Variants in CCSER1 observed in about 807,000 individuals in gnomAD.
The protein encoded by CCSER1 is coiled-coil serine rich protein 1.
Under a neutral mutation model 82.0 loss-of-function variants are expected in CCSER1, and 41 were observed. The ratio of observed to expected loss-of-function variants is 0.50; its 90% CI spans 0.39 to 0.65. CCSER1 has a LOEUF of 0.65. CCSER1 is among the 30% of genes least tolerant of loss of function. The probability of loss-of-function intolerance (pLI) is 0.00; values close to 1 mark genes in which losing one functional copy is unlikely to be tolerated. For synonymous variants in CCSER1, 414 were observed against 383.9 expected, an observed-to-expected ratio of 1.08 and a Z score of -0.92; for missense variants, 1,119 against 1,064.2, an observed-to-expected ratio of 1.05 and a Z score of -0.72.
intron 1 of CCSER1, among the ~76,000 whole-genome samples, chr4:90,129,083 C>G (rs1351589821): frequency 6.6e-6 from 1 of 152,182 alleles, no homozygotes; most frequent in African/African-American, 2.4e-5. Context: ...CAACAGCTTT[C>G]ATTTCTGAAA....
intron 10 of CCSER1, among the ~76,000 whole-genome samples, chr4:91,284,948 A>G (rs1199772285): frequency 6.6e-6 from 1 of 151,972 alleles, no homozygotes; most frequent in Non-Finnish European, 1.5e-5. Context: ...ACAAAAAAAT[A>G]TGTACTTTAC....
At chr4:90,507,017 C>G (rs574800792) in intron 5 of CCSER1, among the ~76,000 whole-genome samples, 10 of 152,206 alleles carry the variant, frequency 6.6e-5, no homozygotes, top group African/African-American at 2.4e-4. Flanking sequence ...CTAGTTATTG[C>G]ATACGTTTAC....
intron 9 of CCSER1, among the ~76,000 whole-genome samples, chr4:90,955,636 A>G (rs1733357699): frequency 6.6e-6 from 1 of 151,916 alleles, no homozygotes; most frequent in African/African-American, 2.4e-5. Flanking sequence ...TAAAACCCTT[A>G]CTCTGATTTA....
intron 10 of CCSER1, among the ~76,000 whole-genome samples, chr4:91,320,007 T>G (rs1252437098): frequency 1.3e-5 from 2 of 152,042 alleles, no homozygotes; most frequent in Non-Finnish European, 2.9e-5. Flanking sequence ...GCCTGAGATG[T>G]GAATCATCCT....
chr4:90,967,515 G>A (rs1222238209), intron 9 of CCSER1, among the ~76,000 whole-genome samples: 1 of 151,818 alleles, frequency 6.6e-6, no homozygotes, highest in Non-Finnish European at 1.5e-5. Flanking sequence ...GCAAAAGAAA[G>A]AAGTTGGACA....
intron 9 of CCSER1, among the ~76,000 whole-genome samples, chr4:90,944,433 C>T (rs1731988454): frequency 6.6e-6 from 1 of 152,078 alleles, no homozygotes; most frequent in Admixed American, 6.5e-5. Flanking sequence ...TTATTCATGA[C>T]ACTTAAGGAA....
At chr4:90,580,932 T>C (rs931128352) in intron 5 of CCSER1, among the ~76,000 whole-genome samples, 6 of 150,762 alleles carry the variant, frequency 4.0e-5, no homozygotes, top group Admixed American at 1.3e-4. Flanking sequence ...GAGTTTTGAT[T>C]AATTGTGTGT....
chr4:90,697,197 A>G (rs1281201158), intron 6 of CCSER1, among the ~76,000 whole-genome samples: 3 of 152,140 alleles, frequency 2.0e-5, no homozygotes, highest in African/African-American at 7.2e-5. Context: ...AGATTCCTAG[A>G]CTGTGATAGA....
intron 1 of CCSER1, among the ~76,000 whole-genome samples, chr4:90,200,093 C>CT (rs1258867767): frequency 1.3e-5 from 2 of 150,428 alleles, no homozygotes; most frequent in Non-Finnish European, 3.0e-5. Flanking sequence ...CACACACACA[C>CT]TTTTTTTTCT....
chr4:91,306,132 G>T (rs1745060134), intron 10 of CCSER1, among the ~76,000 whole-genome samples: 1 of 150,028 alleles, frequency 6.7e-6, no homozygotes, highest in Non-Finnish European at 1.5e-5. Context: ...TTTTTTTCAT[G>T]AACATCATTG....
chr4:91,337,929 G>T (rs2149284060), intron 10 of CCSER1, among the ~76,000 whole-genome samples: 1 of 152,226 alleles, frequency 6.6e-6, no homozygotes, highest in Admixed American at 6.5e-5. Flanking sequence ...AGGTATGTGT[G>T]GCAGTGGAAG....
At chr4:91,016,804 G>C (rs1739470277) in intron 9 of CCSER1, among the ~76,000 whole-genome samples, 1 of 152,124 alleles carries the variant, frequency 6.6e-6, no homozygotes, top group African/African-American at 2.4e-5. Context: ...GGAAGATATG[G>C]TGTTAGAAAG....
At chr4:90,681,792 T>G (rs1317309631) in intron 6 of CCSER1, among the ~76,000 whole-genome samples, 1 of 151,990 alleles carries the variant, frequency 6.6e-6, no homozygotes, top group African/African-American at 2.4e-5. Context: ...TAACACATGT[T>G]TATTTGTGGA....
intron 9 of CCSER1, among the ~76,000 whole-genome samples, chr4:91,039,107 C>T (rs900485672): frequency 6.6e-6 from 1 of 152,176 alleles, no homozygotes; most frequent in African/African-American, 2.4e-5. Context: ...TAGCTCACTG[C>T]AGCCTCAACC....
chr4:90,407,925 C>G (rs1753988117), intron 4 of CCSER1, among the ~76,000 whole-genome samples: 1 of 152,140 alleles, frequency 6.6e-6, no homozygotes, highest in Non-Finnish European at 1.5e-5. Context: ...AAAATCGGGT[C>G]ACTCCTACCC....
intron 9 of CCSER1, among the ~76,000 whole-genome samples, chr4:91,032,896 A>G (rs1352781356): frequency 1.3e-5 from 2 of 152,154 alleles, no homozygotes; most frequent in African/African-American, 4.8e-5. Flanking sequence ...GCTTGGGACC[A>G]CACTTGGTGA....
At chr4:90,313,299 G>C (rs1433713995) in intron 3 of CCSER1, among the ~76,000 whole-genome samples, 1 of 152,070 alleles carries the variant, frequency 6.6e-6, no homozygotes, top group East Asian at 1.9e-4. Context: ...CTTTATTCTA[G>C]AACAAGACAC....
chr4:90,739,070 G>A (rs936704754), intron 7 of CCSER1, among the ~76,000 whole-genome samples: 2 of 152,208 alleles, frequency 1.3e-5, no homozygotes, highest in African/African-American at 2.4e-5. Context: ...TGAATGTGCT[G>A]GGTCACACCT....
At chr4:90,467,561 T>C (rs1393318683) in intron 4 of CCSER1, among the ~76,000 whole-genome samples, 4 of 151,918 alleles carry the variant, frequency 2.6e-5, no homozygotes, top group Admixed American at 6.6e-5. Flanking sequence ...CGGGCGCCTG[T>C]AATCCTAGCT....
Sources: gnomAD v4.1 joint callset for allele counts (sites outside exome capture counted in the v4.1 genomes callset) on GRCh38, gnomAD v4.1.1 for gene constraint, MANE v1.5 for transcripts, NCBI Gene and HGNC (gene_info 2026-07-23, HGNC 2026-07-21) for gene names.